N4BP2L2: variants seen among roughly 807,000 people sequenced by gnomAD.
N4BP2L2 encodes NEDD4-binding protein 2-like 2.
In N4BP2L2, 50 loss-of-function variants were observed where a neutral mutation model predicts 56.2. The observed-to-expected ratio is 0.89, with a 90% confidence interval of 0.71 to 1.13. The LOEUF (loss-of-function observed/expected upper bound fraction) is 1.13. Ranked by LOEUF, N4BP2L2 falls within the 50% of genes most tolerant of loss-of-function variation. The probability of loss-of-function intolerance (pLI) is 0.00; values close to 1 mark genes in which losing one functional copy is unlikely to be tolerated. For missense variants in N4BP2L2, 689 were observed against 693.8 expected (o/e 0.99, Z 0.08); for synonymous variants, 203 against 223.6 (o/e 0.91, Z 0.82).
chr13:32,479,755 C>T (rs1178318810), intron 6 of N4BP2L2, among the ~76,000 whole-genome samples: 2 of 151,496 alleles, frequency 1.3e-5, no homozygotes, highest in South Asian at 4.2e-4. Context: ...AAGACATCTG[C>T]AGAAAATATC....
At chr13:32,535,780 T>A (rs375141818) in exon 2 of N4BP2L2, 1 of 1,612,920 alleles carries the variant, frequency 6.2e-7, no homozygotes, top group African/African-American at 1.3e-5. Context: ...GAGACAATGT[T>A]GTTTTCCCAG....
At chr13:32,450,991 C>T (rs939308255) in intron 6 of N4BP2L2, among the ~76,000 whole-genome samples, 8 of 151,660 alleles carry the variant, frequency 5.3e-5, no homozygotes, top group Non-Finnish European at 8.8e-5. Context: ...GCTGGGAATA[C>T]AGGTGTGAGC....
intron 6 of N4BP2L2, among the ~76,000 whole-genome samples, chr13:32,481,139 A>AC (rs1171920630): frequency 6.6e-6 from 1 of 150,902 alleles, no homozygotes; most frequent in Non-Finnish European, 1.5e-5. Context: ...AAAAAAAAAA[A>AC]AAAAAAAAAG....
At chr13:32,455,160 T>C (rs1422881162) in intron 6 of N4BP2L2, among the ~76,000 whole-genome samples, 1 of 152,132 alleles carries the variant, frequency 6.6e-6, no homozygotes, top group Non-Finnish European at 1.5e-5. Context: ...CTGCTATCAC[T>C]AGAAATATCC....
exon 6 of N4BP2L2, chr13:32,510,685 G>A (rs2047933992): frequency 6.6e-6 from 1 of 152,002 alleles, no homozygotes; most frequent in South Asian, 2.1e-4. Context: ...CTTTAGTAAA[G>A]ACAGGGTTTC....
chr13:32,527,666 C>A, intron 2 of N4BP2L2, 134 bp from the exon 3 acceptor site: 8 of 968,472 alleles, frequency 8.3e-6, no homozygotes, highest in Non-Finnish European at 1.1e-5. Context: ...TGATACTTAC[C>A]TGAAAGTATA....
rs1205462142 is a variant in N4BP2L2 at position 32,536,775 on chromosome 13, C to A, written c.253G>T (p.Glu85Ter). 1 of 1,614,010 alleles carries A rather than the reference C, an allele frequency of 6.2e-7. No individual in the cohort carries two copies. The highest frequency in any genetic ancestry group is 1.3e-5 in the African/African-American group (1 of 74,914). Residue 85 changes from glutamate (E) to a stop codon, truncating the protein, a stop_gained, in exon 2 of 6, where the codon GAG (glutamate) becomes TAG (stop). Coordinates refer to ENST00000267068, the Ensembl canonical transcript of N4BP2L2. LOFTEE classifies it high-confidence loss of function. Reference sequence around the variant, plus strand: ...ACATCTGGTCTATTACCAGGCATCTCATCATGCAAAGGTCTATGCAAATCT... The same window carrying A: ...ACATCTGGTCTATTACCAGGCATCTAATCATGCAAAGGTCTATGCAAATCT...
At position 32,474,174 on chromosome 13, in the gene N4BP2L2, T is replaced by C. The variant is rs2082816586; in HGVS notation, c.366-30048A>G. Among the ~76,000 whole-genome samples the C allele has an allele frequency of 2.0e-5, 3 of 152,166 alleles. No homozygotes were observed. The South Asian group carries it at 6.2e-4, about 32-fold the overall frequency. On this transcript the variant is annotated intron_variant, in intron 6 of 9. Coordinates refer to the N4BP2L2 transcript ENST00000357505. ...ATAGTTCTGCAAGTAAATAAATGTGTAAACTTATATAGATATTCATATATA... is the reference window on the plus strand; with the variant it reads ...ATAGTTCTGCAAGTAAATAAATGTGCAAACTTATATAGATATTCATATATA...
chr13:32,512,474 A>C (rs2048335531), exon 6 of N4BP2L2: 1 of 152,224 alleles, frequency 6.6e-6, no homozygotes, highest in South Asian at 2.1e-4. Context: ...CATTCTGGGA[A>C]GTGAATTATA....
intron 6 of N4BP2L2, chr13:32,477,757 AG>A (rs1479562423): frequency 1.5e-6 from 1 of 674,888 alleles, no homozygotes; most frequent in Admixed American, 3.2e-5. Flanking sequence ...AAGTGGTAAA[AG>A]CTCTGTTCCA....
At chr13:32,496,427 T>C (rs1477648210) in intron 6 of N4BP2L2, among the ~76,000 whole-genome samples, 4 of 152,192 alleles carry the variant, frequency 2.6e-5, no homozygotes, top group Non-Finnish European at 5.9e-5. Flanking sequence ...TTCAAATACA[T>C]AACAAGTGTG....
intron 1 of N4BP2L2, among the ~76,000 whole-genome samples, chr13:32,537,848 G>T (rs2056937412): frequency 6.6e-6 from 1 of 152,134 alleles, no homozygotes. Context: ...GAGGCGGGCG[G>T]ATTGCTGCTT....
intron 6 of N4BP2L2, among the ~76,000 whole-genome samples, chr13:32,461,060 A>T (rs1317831014): frequency 6.6e-6 from 1 of 152,204 alleles, no homozygotes; most frequent in Admixed American, 6.5e-5. Flanking sequence ...GAATATCCAT[A>T]TGCAGAAGAA....
intron 2 of N4BP2L2, among the ~76,000 whole-genome samples, chr13:32,530,913 TTCTG>T (rs1352447433): frequency 1.3e-5 from 2 of 150,254 alleles, no homozygotes; most frequent in African/African-American, 4.9e-5. Flanking sequence ...AAAAAGTAGC[TTCTG>T]TCTTAGACTT....
chr13:32,536,622 G>A (rs202129118), exon 2 of N4BP2L2: 17 of 1,613,492 alleles, frequency 1.1e-5, no homozygotes, highest in East Asian at 4.5e-5. Flanking sequence ...CCTTCATTAC[G>A]TTTCTTTTTC....
rs2074995004 is a variant in N4BP2L2, at chr13:32,432,660, G to A, written c.*334C>T. On this transcript the variant is annotated 3_prime_UTR_variant, in exon 10 of 10. Coordinates refer to the N4BP2L2 transcript ENST00000357505. ...ATCTCAGACCAATACTTGGATATAG[G>A]GGCTAACCTTTTAATCCTAATGCAG... 3 of 151,994 alleles carry A rather than the reference G, an allele frequency of 2.0e-5. No homozygotes were observed. The South Asian group carries it at 6.2e-4, about 32-fold the overall frequency. 9.4% of individuals were successfully genotyped at this position (151,994 alleles called of 1,614,324 possible). A position where few individuals can be genotyped will look rare whatever the true frequency, so the allele number is the denominator to read the frequency against.
At chr13:32,477,632 G>A (rs1357774489) in intron 6 of N4BP2L2, 2 of 324,238 alleles carry the variant, frequency 6.2e-6, no homozygotes, top group African/African-American at 4.3e-5. Context: ...CAGATCTAAA[G>A]CTACAGCAGG....
At chr13:32,499,811 GT>G (rs2089607299) in intron 6 of N4BP2L2, among the ~76,000 whole-genome samples, 1 of 152,102 alleles carries the variant, frequency 6.6e-6, no homozygotes, top group Non-Finnish European at 1.5e-5. Context: ...GAAGCTTATA[GT>G]CCAATTCTGT....
intron 6 of N4BP2L2, among the ~76,000 whole-genome samples, chr13:32,499,155 T>G (rs2089466714): frequency 6.6e-6 from 1 of 152,142 alleles, no homozygotes; most frequent in Admixed American, 6.5e-5. Context: ...AAACTAGGCT[T>G]AGGCACCAAC....
Sources: allele counts gnomAD v4.1 joint callset (sites outside exome capture counted in the v4.1 genomes callset), GRCh38; gene constraint gnomAD v4.1.1; transcripts MANE v1.5; gene names NCBI Gene and HGNC (gene_info 2026-07-23, HGNC 2026-07-21).